RNF213: variants seen among roughly 807,000 people sequenced by gnomAD.
The protein encoded by RNF213 is ring finger protein 213.
RNF213 carries 341 observed loss-of-function variants against 514.4 expected under a neutral mutation model. The observed-to-expected ratio is 0.66, with a 90% confidence interval of 0.61 to 0.73. The LOEUF is 0.73. Among genes scored for constraint, RNF213 ranks in the 30% least tolerant of loss-of-function variants. The pLI is 0.00. For missense variants in RNF213, 5,767 were observed against 6,615.6 expected, an observed-to-expected ratio of 0.87 and a Z score of 4.45; for synonymous variants, 2,655 against 2,658.2, an observed-to-expected ratio of 1.00 and a Z score of 0.04.
At chr17:80,295,959 T>A (rs2044926387) in intron 10 of RNF213, 146 bp downstream of exon 10, 1 of 831,320 alleles carries the variant, frequency 1.2e-6, no homozygotes. Flanking sequence ...TGTGGTCATG[T>A]CAGTAGTTTT....
At chr17:80,290,809 T>A (rs1469260814) in intron 7 of RNF213, 81 bp downstream of exon 7, 8 of 1,524,142 alleles carry the variant, frequency 5.2e-6, no homozygotes, top group African/African-American at 2.8e-5. Flanking sequence ...TTTAAAAAAA[T>A]TTTGTTTTTT....
At chr17:80,361,271 C>T (rs1441671435) in intron 38 of RNF213, among the ~76,000 whole-genome samples, 1 of 152,200 alleles carries the variant, frequency 6.6e-6, no homozygotes, top group Admixed American at 6.5e-5. Context: ...TGGTTCACAA[C>T]ACCTTGGGAG....
In RNF213 at chr17:80,337,878, G is replaced by A; in HGVS notation, c.4714G>A (p.Gly1572Ser). 1.3e-6 allele frequency: 2 copies of A among 1,537,266 alleles called. No individual in the cohort carries two copies. The highest frequency in any genetic ancestry group is 1.7e-6 in the Non-Finnish European group (2 of 1,146,906). The change falls in exon 25 of 68, where the codon GGC (glycine) becomes AGC (serine). Residue 1572 changes from glycine to serine, a missense_variant. Coordinates refer to ENST00000582970, the MANE Select transcript of RNF213 (RefSeq NM_001256071.3). ...VLHLILPESPGSHEESREYSL... is the reference protein window; with the variant it reads ...VLHLILPESPSSHEESREYSL... The stretch of plus-strand genomic sequence containing the variant: ...GCACTTGATCCTTCCTGAGAGCCCT[G>A]GCAGCCACGAGGAGTCACGAGAGTA...
intron 67 of RNF213, among the ~76,000 whole-genome samples, chr17:80,393,051 C>T (rs1051316719): frequency 5.9e-5 from 9 of 152,054 alleles, no homozygotes; most frequent in Non-Finnish European, 1.2e-4. Flanking sequence ...AATCTCAGCT[C>T]GCTGTAGCCT....
chr17:80,393,315 T>C lies in RNF213; in HGVS notation c.15471-30T>C, dbSNP rs750432066. On this transcript the variant is annotated intron_variant, in intron 67 of 67. Transcript: ENST00000582970. The stretch of plus-strand genomic sequence containing the variant: ...GTGAGCCACCATGCTGAGGAGACTG[T>C]TTTAAATGCTCTCTTCTTTGGTTTT... 3.7e-6 allele frequency: 6 copies of C among 1,610,626 alleles called. No homozygotes were observed. The Admixed American group carries it at 5.0e-5, about 13-fold the overall frequency.
In RNF213 at chr17:80,287,848, G is replaced by C. The variant is rs764672092; in HGVS notation, c.295G>C (p.Gly99Arg). ...KKKKRKKKKK[G>R]NKSASSELAS... is the part of the protein sequence containing the mutation. ...GAAGAAAAGGAAGAAGAAAAAGAAG[G>C]GGAACAAGTCCGCTTCCTCAGAGCT... The change falls in exon 4 of 68, where the codon GGG becomes CGG. Residue 99 changes from glycine to arginine, a missense_variant. Gly to Arg is a moderately radical substitution (Grantham distance 125). Around this residue, in one of 13 missense-constraint regions of RNF213, gnomAD observed 509 missense variants for 496.7 expected, o/e 1.02. Coordinates refer to ENST00000582970, the MANE Select transcript of RNF213 (RefSeq NM_001256071.3). The C allele has an allele frequency of 1.9e-6, 3 of 1,609,202 alleles. No individual in the cohort carries two copies. The African/African-American group carries it at 4.0e-5, about 22-fold the overall frequency.
chr17:80,296,044 G>T (rs1306539485), intron 10 of RNF213, among the ~76,000 whole-genome samples: 2 of 151,968 alleles, frequency 1.3e-5, no homozygotes, highest in Non-Finnish European at 2.9e-5. Flanking sequence ...CCCCCAGACG[G>T]CGTCTCACTC....
At chr17:80,342,092 C>T (rs1376687555) in intron 26 of RNF213, 2 of 152,406 alleles carry the variant, frequency 1.3e-5, no homozygotes, top group African/African-American at 4.8e-5. Context: ...GCCACCGTGC[C>T]TGGCCTGAAT....
Position 80,346,687 on chromosome 17 carries a change from C to T in RNF213, c.8352C>T (p.Asp2784=), listed in dbSNP as rs746217439. Residue 2784 remains aspartate, a synonymous_variant, in exon 29 of 68, where the codon GAC becomes GAT. Transcript: ENST00000582970. This position sits in a 1 kb window ranked among gnomAD's most constrained non-coding sequence, Gnocchi z 8.1. ...SKSLAKTIVA[D]AMQGPAAYSD... ...CTCTCGCCAAGACCATCGTGGCAGA[C>T]GCCATGCAGGGCCCGGCTGCCTACT... 1.6e-5 allele frequency: 25 copies of T among 1,611,162 alleles called. No individual in the cohort carries two copies. Among genetic ancestry groups the T allele is most frequent in the Admixed American group, 8.3e-5 (5 of 60,002 alleles).
chr17:80,333,569 C>T (rs2077898308), intron 21 of RNF213, among the ~76,000 whole-genome samples: 1 of 151,626 alleles, frequency 6.6e-6, no homozygotes, highest in Non-Finnish European at 1.5e-5. Context: ...TGTCAGGTGC[C>T]TGTAATCTCA....
chr17:80,274,550 A>G (rs28367176), intron 3 of RNF213, among the ~76,000 whole-genome samples: 10,794 of 88,582 alleles, frequency 0.12, 1,434 homozygotes, highest in East Asian at 0.33. Flanking sequence ...TGGTTGGGCT[A>G]TGGTGGGAAG....
At position 80,343,985 on chromosome 17, in the gene RNF213, G is replaced by A. The variant is rs148369056; in HGVS notation, c.6312G>A (p.Thr2104=). The change falls in exon 28 of 68, where the codon ACG becomes ACA. Residue 2104 remains threonine (T), a synonymous_variant. Transcript: ENST00000582970. The surrounding 1 kb of genome is among the most constrained non-coding windows in gnomAD (Gnocchi z 4.3). Reference sequence around the variant, plus strand: ...TCGTTGAAATCCTGGAAAGGAGGACGTCAGTGCCGTCGAGGAGCTCTTCAG... The same window carrying A: ...TCGTTGAAATCCTGGAAAGGAGGACATCAGTGCCGTCGAGGAGCTCTTCAG... ...LYIVEILERR[T]SVPSRSSSAL... The A allele has an allele frequency of 2.5e-5, 41 of 1,614,090 alleles. No homozygotes were observed. Among genetic ancestry groups the A allele is most frequent in the African/African-American group, 6.7e-5 (5 of 74,928 alleles).
In RNF213 at chr17:80,343,093, C is replaced by A; in HGVS notation, c.5990-39C>A. 6.4e-7 allele frequency: 1 copy of A among 1,550,978 alleles called. No homozygotes were observed. The highest frequency in any genetic ancestry group is 8.9e-7 in the Non-Finnish European group (1 of 1,123,124). ...AAAGTGCTAGGATTACAGGTGTGAG[C>A]CACCACTCCCAGCCCTAATTTCTGT... On this transcript the variant is annotated intron_variant, in intron 26 of 67. Transcript: ENST00000582970. The surrounding 1 kb of genome is among the most constrained non-coding windows in gnomAD (Gnocchi z 4.3).
chr17:80,340,892 C>T (rs1439655021), intron 26 of RNF213: 1 of 154,804 alleles, frequency 6.5e-6, no homozygotes, highest in Non-Finnish European at 1.4e-5. Context: ...GCAACCTTCG[C>T]CTCCCGGATT....
chr17:80,330,162 G>T (rs892035088), intron 20 of RNF213, among the ~76,000 whole-genome samples: 1 of 152,088 alleles, frequency 6.6e-6, no homozygotes, highest in African/African-American at 2.4e-5. Context: ...TTTAAATTCT[G>T]TCCTGTTCTT....
chr17:80,291,607 C>A, intron 7 of RNF213, 21 bp from the exon 8 acceptor site: 1 of 1,613,284 alleles, frequency 6.2e-7, no homozygotes, highest in East Asian at 2.2e-5. Context: ...GGATAGCCAA[C>A]CGTATCCTGT....
Position 80,353,110 on chromosome 17 carries a change from G to A in RNF213, c.10423+51G>A. The A allele has an allele frequency of 6.2e-7, 1 of 1,604,656 alleles. No homozygotes were observed. Among genetic ancestry groups the A allele is most frequent in the Non-Finnish European group, 8.5e-7 (1 of 1,179,640 alleles). ...GGGAGCAGGTGGTGGAAGGGCAGAT[G>A]GCAGGTGTGGAGCGTGGCGTGCACA... On this transcript the variant is annotated intron_variant, in intron 33 of 67. Transcript: ENST00000582970. The surrounding 1 kb of genome is among the most constrained non-coding windows in gnomAD (Gnocchi z 5.0).
chr17:80,350,519 C>T (rs2078469919), intron 31 of RNF213, 123 bp downstream of exon 31: 1 of 691,046 alleles, frequency 1.4e-6, no homozygotes, highest in South Asian at 1.6e-5. Flanking sequence ...AATAACAATT[C>T]TTCCCCCGCC....
In RNF213 at chr17:80,291,662, A is replaced by C; in HGVS notation, c.1306A>C (p.Ile436Leu). 6.2e-7 allele frequency: 1 copy of C among 1,614,236 alleles called. No individual in the cohort carries two copies. The highest frequency in any genetic ancestry group is 8.5e-7 in the Non-Finnish European group (1 of 1,180,048). Residue 436 changes from isoleucine to leucine, a missense_variant, in exon 8 of 68, where the codon ATT (isoleucine) becomes CTT (leucine). By Grantham distance (5) the Ile-to-Leu change is conservative. Coordinates refer to ENST00000582970, the MANE Select transcript of RNF213 (RefSeq NM_001256071.3). ...TCATGACCGCGTTCTTGTTGAAGGC[A>C]TTGTCTGCATTTCCAAGAAGCACCT... is the stretch of plus-strand genomic sequence containing the variant. ...LGHDRVLVEGIVCISKKHLDK... is the reference protein window; with the variant it reads ...LGHDRVLVEGLVCISKKHLDK...
Sources: gnomAD v4.1 joint callset for allele counts (sites outside exome capture counted in the v4.1 genomes callset) on GRCh38, gnomAD v4.1.1 for gene constraint, gnomAD v4.1.1 regional missense constraint, Gnocchi (gnomAD v3.1) non-coding constraint, MANE v1.5 for transcripts, NCBI Gene and HGNC (gene_info 2026-07-23, HGNC 2026-07-21) for gene names.